LRRFIP1: variants seen among roughly 807,000 people sequenced by gnomAD.
LRRFIP1 encodes leucine-rich repeat flightless-interacting protein 1.
In LRRFIP1, 62 loss-of-function variants were observed where a neutral mutation model predicts 104.4. The ratio of observed to expected loss-of-function variants is 0.59; its 90% CI spans 0.48 to 0.73. LRRFIP1 has a LOEUF of 0.73. LRRFIP1 is among the 30% of genes least tolerant of loss of function. LRRFIP1 has a pLI of 0.00. For synonymous variants in LRRFIP1, 300 were observed against 299.0 expected (o/e 1.00, Z -0.03); for missense variants, 796 against 824.5 (o/e 0.97, Z 0.42).
intron 1 of LRRFIP1, chr2:237,683,347 T>C (rs1308593317): frequency 6.6e-6 from 1 of 152,168 alleles, no homozygotes; most frequent in Admixed American, 6.5e-5. Context: ...AGGTACAGGG[T>C]ATAAAGGTGA....
At chr2:237,651,924 G>C (rs906665345) in intron 1 of LRRFIP1, among the ~76,000 whole-genome samples, 1 of 152,102 alleles carries the variant, frequency 6.6e-6, no homozygotes, top group East Asian at 1.9e-4. Context: ...TCACAGGCTC[G>C]GGCGCTGCCC....
At chr2:237,681,706 G>T in intron 1 of LRRFIP1, among the ~76,000 whole-genome samples, 1 of 15,472 alleles carries the variant, frequency 6.5e-5, no homozygotes, top group Non-Finnish European at 1.7e-4. Context: ...TTGAGACGGA[G>T]TCTCGCTCTG....
At chr2:237,725,005 C>T (rs2094686434) in intron 7 of LRRFIP1, among the ~76,000 whole-genome samples, 1 of 152,140 alleles carries the variant, frequency 6.6e-6, no homozygotes, top group African/African-American at 2.4e-5. Flanking sequence ...TGCGTGGTCC[C>T]ATGGGAAGGT....
intron 1 of LRRFIP1, among the ~76,000 whole-genome samples, chr2:237,688,004 T>G (rs1240479042): frequency 6.6e-6 from 1 of 152,256 alleles, no homozygotes; most frequent in Non-Finnish European, 1.5e-5. Context: ...TAGCTATGAT[T>G]CTGATGTTCC....
intron 1 of LRRFIP1, among the ~76,000 whole-genome samples, chr2:237,653,587 C>T (rs1444456271): frequency 2.6e-5 from 4 of 152,232 alleles, no homozygotes; most frequent in Non-Finnish European, 5.9e-5. Flanking sequence ...CTGGAGACAT[C>T]ACACTACCTG....
chr2:237,737,857 C>T (rs1253045649), intron 10 of LRRFIP1, among the ~76,000 whole-genome samples: 1 of 152,180 alleles, frequency 6.6e-6, no homozygotes. Flanking sequence ...CGTCTTGCCC[C>T]TGAGTGTAAG....
At position 237,710,597 on chromosome 2, in the gene LRRFIP1, T is replaced by C. The variant is rs151154730; in HGVS notation, c.183+1967T>C. On this transcript the variant is annotated intron_variant, in intron 2 of 23. Coordinates refer to ENST00000308482, the MANE Select transcript of LRRFIP1 (RefSeq NM_001137550.2). Reference sequence around the variant, plus strand: ...CCATCACACCGGCCCCATATTAGAATTGATTTAAATATATACATATTGATA... The same window carrying C: ...CCATCACACCGGCCCCATATTAGAACTGATTTAAATATATACATATTGATA... 3.7e-4 allele frequency among the ~76,000 whole-genome samples: 56 copies of C among 152,258 alleles called. No individual in the cohort carries two copies. The East Asian group carries it at 8.1e-3, about 22-fold the overall frequency.
At chr2:237,746,064 T>TTA (rs1429124981) in intron 11 of LRRFIP1, among the ~76,000 whole-genome samples, 1 of 104,488 alleles carries the variant, frequency 9.6e-6, no homozygotes, top group East Asian at 2.0e-4. Flanking sequence ...TTTTATTTAT[T>TTA]TTTTTTTTTT....
At position 237,735,578 on chromosome 2, in the gene LRRFIP1, T is replaced by G; in HGVS notation, c.555+245T>G. The G allele has an allele frequency of 2.1e-6, 1 of 474,320 alleles. No homozygotes were observed. The highest frequency in any genetic ancestry group is 3.7e-6 in the Non-Finnish European group (1 of 266,756). The allele number at this position is 474,320 out of a possible 1,614,324, so 29.4% of individuals were successfully genotyped here. On this transcript the variant is annotated intron_variant, in intron 10 of 23. Transcript: ENST00000308482. The surrounding 1 kb of genome is among the most constrained non-coding windows in gnomAD (Gnocchi z 4.6). ...GTAACTTGCACTGAGTTTCATCTGC[T>G]CTCTCTGCAGCACGCCAACCATACT...
chr2:237,699,642 G>A (rs1390517361), intron 1 of LRRFIP1, among the ~76,000 whole-genome samples: 4 of 152,188 alleles, frequency 2.6e-5, no homozygotes, highest in Non-Finnish European at 4.4e-5. Context: ...GTGAGCCACC[G>A]CACCCGGCCA....
intron 5 of LRRFIP1, 121 bp downstream of exon 5, chr2:237,719,688 TTAAC>T (rs1468361170): frequency 1.1e-5 from 7 of 615,544 alleles, no homozygotes; most frequent in Admixed American, 6.2e-5. Context: ...CTTAAAGAAA[TTAAC>T]TAATACTATT....
At chr2:237,757,751 C>T (rs1461447717) in intron 17 of LRRFIP1, among the ~76,000 whole-genome samples, 1 of 152,072 alleles carries the variant, frequency 6.6e-6, no homozygotes. Context: ...TGGATTGTGA[C>T]ACGGACTCTC....
At chr2:237,739,653 G>A (rs867890619) in intron 11 of LRRFIP1, among the ~76,000 whole-genome samples, 2 of 152,140 alleles carry the variant, frequency 1.3e-5, no homozygotes, top group Non-Finnish European at 2.9e-5. Flanking sequence ...GTAAAGCGTG[G>A]CCTGTAGATC....
chr2:237,666,775 CTCTG>C (rs1160405630), intron 1 of LRRFIP1, among the ~76,000 whole-genome samples: 2 of 65,250 alleles, frequency 3.1e-5, no homozygotes, highest in Non-Finnish European at 7.3e-5. Context: ...CTCTCTTTCT[CTCTG>C]TCTCTTTCTT....
chr2:237,723,675 G>A (rs1300959705), intron 7 of LRRFIP1, 89 bp downstream of exon 7: 2 of 1,524,216 alleles, frequency 1.3e-6, no homozygotes, highest in South Asian at 1.1e-5. Context: ...TCTCATGGGT[G>A]CTTTGTCTCC....
chr2:237,627,784 G>T, intron 1 of LRRFIP1, 44 bp downstream of exon 1: 2 of 1,151,740 alleles, frequency 1.7e-6, no homozygotes, highest in East Asian at 3.8e-5. Context: ...GGGCGGGCGC[G>T]GGGGCCGGAC....
intron 23 of LRRFIP1, 80 bp from the exon 24 acceptor site, chr2:237,779,342 G>A: frequency 6.6e-7 from 1 of 1,517,294 alleles, no homozygotes; most frequent in Non-Finnish European, 8.9e-7. Context: ...CAGTAGGATT[G>A]GAATTTCGGT....
intron 1 of LRRFIP1, among the ~76,000 whole-genome samples, chr2:237,662,100 G>T (rs1575237543): frequency 6.6e-6 from 1 of 152,182 alleles, no homozygotes; most frequent in Non-Finnish European, 1.5e-5. Flanking sequence ...GGCTCTGAGG[G>T]GAAGGTGTTC....
chr2:237,686,067 T>C (rs1320903527), intron 1 of LRRFIP1, among the ~76,000 whole-genome samples: 1 of 152,212 alleles, frequency 6.6e-6, no homozygotes, highest in Non-Finnish European at 1.5e-5. Flanking sequence ...ACACACCTCT[T>C]ATCCTTCCCA....
Sources: allele counts gnomAD v4.1 joint callset (sites outside exome capture counted in the v4.1 genomes callset), GRCh38; gene constraint gnomAD v4.1.1; non-coding constraint Gnocchi (gnomAD v3.1); transcripts MANE v1.5; gene names NCBI Gene and HGNC (gene_info 2026-07-23, HGNC 2026-07-21).